Variants in POU2F1 observed in about 807,000 individuals in gnomAD.
POU2F1 encodes the protein POU class 2 homeobox 1, also known as POU domain, class 2, transcription factor 1.
POU2F1 carries 16 observed loss-of-function variants against 84.9 expected under a neutral mutation model. The ratio of observed to expected loss-of-function variants is 0.19; its 90% CI spans 0.13 to 0.29. The LOEUF is 0.29. POU2F1 is among the 10% of genes least tolerant of loss of function. The probability of loss-of-function intolerance (pLI) is 1.00; values close to 1 mark genes in which losing one functional copy is unlikely to be tolerated. For missense variants in POU2F1, 738 were observed against 942.6 expected (o/e 0.78, Z 2.84); for synonymous variants, 368 against 368.3 (o/e 1.00, Z 0.01).
intron 3 of POU2F1, among the ~76,000 whole-genome samples, chr1:167,367,965 A>G (rs1659789947): frequency 6.6e-6 from 1 of 152,146 alleles, no homozygotes; most frequent in Non-Finnish European, 1.5e-5. Flanking sequence ...AGACATTATA[A>G]CCATTTACTT....
At chr1:167,335,018 A>G (rs548284811) in intron 2 of POU2F1, among the ~76,000 whole-genome samples, 3 of 152,292 alleles carry the variant, frequency 2.0e-5, no homozygotes, top group South Asian at 4.1e-4. Flanking sequence ...TTATTTTAAG[A>G]TTGTGTTGAT....
chr1:167,368,700 T>C (rs1366750794), intron 3 of POU2F1, among the ~76,000 whole-genome samples: 1 of 152,172 alleles, frequency 6.6e-6, no homozygotes, highest in African/African-American at 2.4e-5. Flanking sequence ...GTTCTACATA[T>C]GTCTTCAGAT....
chr1:167,361,090 G>A (rs1659325327), intron 2 of POU2F1, among the ~76,000 whole-genome samples: 1 of 152,094 alleles, frequency 6.6e-6, no homozygotes, highest in South Asian at 2.1e-4. Flanking sequence ...GTCTGCTGAA[G>A]TGGTTTATCA....
chr1:167,322,350 A>G (rs1656372358), intron 1 of POU2F1, among the ~76,000 whole-genome samples: 1 of 152,214 alleles, frequency 6.6e-6, no homozygotes, highest in South Asian at 2.1e-4. Flanking sequence ...CCCCATTGTA[A>G]TCTGAATCTA....
chr1:167,421,477 G>A lies in POU2F1; in HGVS notation c.*5667G>A, dbSNP rs1331055367. ...CCAGTTTGTACCCAGTTTTCTATAT[G>A]GTTTGTGAACTGTAGCTTTTAAAAA... On this transcript the variant is annotated 3_prime_UTR_variant, in exon 16 of 16. Coordinates refer to ENST00000367866, the MANE Select transcript of POU2F1 (RefSeq NM_002697.4). 6.6e-6 allele frequency: 1 copy of A among 152,094 alleles called. No individual in the cohort carries two copies. The highest frequency in any genetic ancestry group is 1.5e-5 in the Non-Finnish European group (1 of 68,008). 9.4% of individuals were successfully genotyped at this position (152,094 alleles called of 1,614,324 possible). A position where few individuals can be genotyped will look rare whatever the true frequency, so the allele number is the denominator to read the frequency against.
chr1:167,347,383 G>A (rs543468930), intron 2 of POU2F1, among the ~76,000 whole-genome samples: 182 of 152,164 alleles, frequency 1.2e-3, no homozygotes, highest in Non-Finnish European at 1.5e-3. Context: ...TTATTTTCAT[G>A]TGCACTTCTA....
chr1:167,312,298 G>C (rs10082074), intron 1 of POU2F1, among the ~76,000 whole-genome samples: 1 of 149,862 alleles, frequency 6.7e-6, no homozygotes, highest in African/African-American at 2.5e-5. Context: ...ACAGTGGCAC[G>C]ATCTCAGCTC....
intron 1 of POU2F1, among the ~76,000 whole-genome samples, chr1:167,227,071 C>T (rs1169621823): frequency 1.3e-5 from 2 of 152,242 alleles, no homozygotes; most frequent in Non-Finnish European, 2.9e-5. Flanking sequence ...CAGGCATGAG[C>T]TACCACACCT....
chr1:167,368,445 T>A (rs1313084236), intron 3 of POU2F1, among the ~76,000 whole-genome samples: 1 of 152,148 alleles, frequency 6.6e-6, no homozygotes, highest in Non-Finnish European at 1.5e-5. Context: ...ACTGTAAATA[T>A]GTCTTTTTGC....
intron 1 of POU2F1, among the ~76,000 whole-genome samples, chr1:167,276,577 T>G (rs16858855): frequency 0.015 from 2,335 of 152,256 alleles, 62 homozygotes; most frequent in African/African-American, 0.054. Context: ...AAGAGTTTGA[T>G]TTTTTAGGAC....
At position 167,328,774 on chromosome 1, in the gene POU2F1, A is replaced by G. The variant is rs972653981; in HGVS notation, c.62-3696A>G. ...TCATGCACTGCCAATTAATATGCAA[A>G]TAGCCTGATAAATATTTATGCAACG... On this transcript the variant is annotated intron_variant, in intron 1 of 15. Transcript: ENST00000367866. Among the ~76,000 whole-genome samples, 4 of 152,178 alleles carry G rather than the reference A, an allele frequency of 2.6e-5. No homozygotes were observed. In the East Asian group the frequency reaches 7.7e-4, roughly 29 times the overall value.
intron 7 of POU2F1, chr1:167,380,150 A>G (rs1647410069): frequency 6.6e-6 from 1 of 152,224 alleles, no homozygotes; most frequent in Admixed American, 6.5e-5. Context: ...CTCTAAAGCC[A>G]AACTGTCTCT....
At chr1:167,297,177 G>T (rs1341210399) in intron 1 of POU2F1, among the ~76,000 whole-genome samples, 1 of 152,186 alleles carries the variant, frequency 6.6e-6, no homozygotes, top group Non-Finnish European at 1.5e-5. Flanking sequence ...GCAGCCACAT[G>T]TCTTCACAGA....
intron 1 of POU2F1, among the ~76,000 whole-genome samples, chr1:167,270,360 G>A (rs1233438091): frequency 6.6e-6 from 1 of 152,170 alleles, no homozygotes; most frequent in Non-Finnish European, 1.5e-5. Context: ...TGCTTTTCAG[G>A]AAGTATTCCT....
chr1:167,394,333 C>T (rs940114193), intron 9 of POU2F1, among the ~76,000 whole-genome samples: 28 of 152,144 alleles, frequency 1.8e-4, no homozygotes, highest in South Asian at 2.1e-4. Context: ...AATGAAGTAA[C>T]ATTTTAATAA....
At chr1:167,237,569 G>C (rs1363227007) in intron 1 of POU2F1, among the ~76,000 whole-genome samples, 1 of 151,858 alleles carries the variant, frequency 6.6e-6, no homozygotes, top group Non-Finnish European at 1.5e-5. Flanking sequence ...TACATGGTAA[G>C]CTTGACTAGG....
intron 1 of POU2F1, among the ~76,000 whole-genome samples, chr1:167,221,558 C>CG (rs936355114): frequency 3.4e-5 from 5 of 148,858 alleles, no homozygotes; most frequent in African/African-American, 4.9e-5. Flanking sequence ...CGGGCCCGGG[C>CG]GGGGGGGCGC....
intron 9 of POU2F1, 110 bp from the exon 10 acceptor site, chr1:167,396,176 C>G: frequency 8.0e-7 from 1 of 1,257,534 alleles, no homozygotes; most frequent in Non-Finnish European, 1.1e-6. Flanking sequence ...TAATTACTGA[C>G]TCCTTGTCTA....
chr1:167,300,492 G>A (rs1249167246), intron 1 of POU2F1, among the ~76,000 whole-genome samples: 2 of 152,144 alleles, frequency 1.3e-5, no homozygotes, highest in East Asian at 1.9e-4. Flanking sequence ...TTGAGACGGA[G>A]TCTTGCTCTG....
Sources: allele counts gnomAD v4.1 joint callset (sites outside exome capture counted in the v4.1 genomes callset), GRCh38; gene constraint gnomAD v4.1.1; transcripts MANE v1.5; gene names NCBI Gene and HGNC (gene_info 2026-07-23, HGNC 2026-07-21).